SLC26A9: variants seen among roughly 807,000 people sequenced by gnomAD.
The protein encoded by SLC26A9 is solute carrier family 26 member 9, also known as anion transporter/exchanger protein 9.
A neutral mutation model predicts 87.1 loss-of-function variants in SLC26A9; 46 were observed. The observed-to-expected ratio is 0.53, with a 90% CI of 0.42 to 0.67. The LOEUF is 0.67. Ranked by LOEUF, SLC26A9 falls within the 30% of genes least tolerant of loss-of-function variation. SLC26A9 has a pLI of 0.00. For synonymous variants in SLC26A9, 437 were observed against 409.1 expected, an observed-to-expected ratio of 1.07 and a Z score of -0.82; for missense variants, 927 against 1,018.3, an observed-to-expected ratio of 0.91 and a Z score of 1.22.
chr1:205,919,230 C>A (rs925783304), intron 18 of SLC26A9, among the ~76,000 whole-genome samples: 3 of 152,178 alleles, frequency 2.0e-5, no homozygotes, highest in Non-Finnish European at 2.9e-5. Context: ...GGAGTCAGTA[C>A]TTTGTGGTGA....
Position 205,914,736 on chromosome 1 carries a change from G to T in SLC26A9, c.*621C>A. The T allele has an allele frequency of 1.1e-6, 1 of 931,660 alleles. No homozygotes were observed. Among genetic ancestry groups the T allele is most frequent in the Non-Finnish European group, 1.6e-6 (1 of 628,546 alleles). 57.7% of individuals were successfully genotyped at this position (931,660 alleles called of 1,614,324 possible). A position where few individuals can be genotyped will look rare whatever the true frequency, so the allele number is the denominator to read the frequency against. On this transcript the variant is annotated 3_prime_UTR_variant, in exon 21 of 21. Coordinates refer to ENST00000367135, the MANE Select transcript of SLC26A9 (RefSeq NM_052934.4). ...GATGTGCTTGCTGACAGCAGTGGTG[G>T]TTTGGGCAGCCTTGGGGATGATGGA...
In SLC26A9 at chr1:205,928,924, G is replaced by A. The variant is rs1216644245; in HGVS notation, c.871-15C>T. On this transcript the variant is annotated splice_polypyrimidine_tract_variant and intron_variant, in intron 7 of 20. Coordinates refer to ENST00000367135, the MANE Select transcript of SLC26A9 (RefSeq NM_052934.4). ...GCCACCACCACCTGCAAACCCCAGA[G>A]TGGAGAATGGGGATTGGCCCTAAGG... 2 of 1,613,866 alleles carry A rather than the reference G, an allele frequency of 1.2e-6. No individual in the cohort carries two copies. Among genetic ancestry groups the A allele is most frequent in the Non-Finnish European group, 1.7e-6 (2 of 1,179,762 alleles).
intron 2 of SLC26A9, 130 bp from the exon 3 acceptor site, chr1:205,933,214 G>T (rs979458029): frequency 7.4e-7 from 1 of 1,352,824 alleles, no homozygotes; most frequent in Non-Finnish European, 1.0e-6. Context: ...GTGTGCCAGG[G>T]ATATTGAGAA....
At chr1:205,935,640 G>A in intron 2 of SLC26A9, 56 bp downstream of exon 2, 1 of 1,608,526 alleles carries the variant, frequency 6.2e-7, no homozygotes, top group Non-Finnish European at 8.5e-7. Context: ...TCCTGGTGCA[G>A]AAAGGATTTT....
At chr1:205,919,558 C>G (rs1162714115) in intron 18 of SLC26A9, among the ~76,000 whole-genome samples, 1 of 152,162 alleles carries the variant, frequency 6.6e-6, no homozygotes, top group African/African-American at 2.4e-5. Flanking sequence ...GTGCAGGGAG[C>G]TGGGTGTGTG....
At chr1:205,926,449 C>A in intron 12 of SLC26A9, 86 bp downstream of exon 12, 1 of 1,120,892 alleles carries the variant, frequency 8.9e-7, no homozygotes, top group Non-Finnish European at 1.4e-6. Context: ...CTAGAGGGTT[C>A]ATTGTTAGGA....
At chr1:205,922,940 C>A in intron 16 of SLC26A9, 142 bp downstream of exon 16, 2 of 719,748 alleles carry the variant, frequency 2.8e-6, no homozygotes, top group Non-Finnish European at 4.8e-6. Flanking sequence ...TGCCCAGCGG[C>A]CACCAGGCAG....
chr1:205,920,180 G>T lies in SLC26A9; in HGVS notation c.2106C>A (p.Ile702=). Reference sequence around the variant, plus strand: ...TAAATGTCCTCTTTCTCTTACCATGGATGTTCACCAAGAAGACCTTCACGC... The same window carrying T: ...TAAATGTCCTCTTTCTCTTACCATGTATGTTCACCAAGAAGACCTTCACGC... The part of the protein sequence containing the change: ...KIGVKVFLVN[I]HAQVYNDISH... The change falls in exon 18 of 21, where the codon ATC becomes ATA. Residue 702 remains isoleucine, a synonymous_variant. Transcript: ENST00000367135. 6.2e-7 allele frequency: 1 copy of T among 1,613,924 alleles called. No homozygotes were observed. Among genetic ancestry groups the T allele is most frequent in the East Asian group, 2.2e-5 (1 of 44,876 alleles).
intron 1 of SLC26A9, among the ~76,000 whole-genome samples, chr1:205,936,643 C>G (rs998977510): frequency 2.6e-5 from 4 of 152,106 alleles, no homozygotes; most frequent in African/African-American, 9.7e-5. Context: ...TCCCACCACC[C>G]CTCTACCTCC....
intron 12 of SLC26A9, chr1:205,924,725 C>G (rs1252226335): frequency 2.1e-6 from 1 of 483,722 alleles, no homozygotes; most frequent in African/African-American, 2.0e-5. Flanking sequence ...TTAGTAGAAG[C>G]CCCAGCACAC....
intron 2 of SLC26A9, among the ~76,000 whole-genome samples, chr1:205,934,949 T>G (rs1659448769): frequency 6.6e-6 from 1 of 152,152 alleles, no homozygotes; most frequent in South Asian, 2.1e-4. Flanking sequence ...GTGACCTCAA[T>G]CCAGGTAACT....
At chr1:205,929,068 CG>C in intron 7 of SLC26A9, 135 bp downstream of exon 7, 1 of 1,463,694 alleles carries the variant, frequency 6.8e-7, no homozygotes, top group Non-Finnish European at 9.3e-7. Flanking sequence ...ACGCCACATA[CG>C]GGGGATGGGA....
intron 1 of SLC26A9, among the ~76,000 whole-genome samples, chr1:205,939,608 G>C (rs543613186): frequency 6.6e-6 from 1 of 152,252 alleles, no homozygotes; most frequent in East Asian, 1.9e-4. Flanking sequence ...CTTCAGGTGA[G>C]GGCAAGAGGT....
chr1:205,917,441 C>G (rs771420591), intron 19 of SLC26A9, 87 bp from the exon 20 acceptor site: 3 of 1,362,142 alleles, frequency 2.2e-6, no homozygotes, highest in Non-Finnish European at 3.1e-6. Flanking sequence ...GACAGGTGGC[C>G]GGCTCTGGTT....
At chr1:205,924,764 T>G (rs889551042) in intron 12 of SLC26A9, 1 of 382,414 alleles carries the variant, frequency 2.6e-6, no homozygotes, top group Non-Finnish European at 4.8e-6. Flanking sequence ...AGAGCATGCA[T>G]CTTGGGTCAG....
intron 1 of SLC26A9, among the ~76,000 whole-genome samples, chr1:205,936,729 T>C (rs1340893040): frequency 6.7e-6 from 1 of 149,544 alleles, no homozygotes; most frequent in Middle Eastern, 3.2e-3. Flanking sequence ...AGGCTTAGAG[T>C]GAGGATTTGT....
intron 1 of SLC26A9, among the ~76,000 whole-genome samples, chr1:205,939,233 G>T (rs1659640320): frequency 6.6e-6 from 1 of 152,182 alleles, no homozygotes. Context: ...TAAAGAAACT[G>T]CACTTGATTT....
intron 20 of SLC26A9, among the ~76,000 whole-genome samples, chr1:205,915,880 C>A (rs1166677065): frequency 6.6e-6 from 1 of 152,140 alleles, no homozygotes; most frequent in East Asian, 1.9e-4. Context: ...GTCCCACCTG[C>A]CATCAGCACT....
intron 1 of SLC26A9, among the ~76,000 whole-genome samples, chr1:205,936,917 G>C (rs1472068290): frequency 6.6e-6 from 1 of 152,278 alleles, no homozygotes; most frequent in East Asian, 1.9e-4. Flanking sequence ...TTGTGGAAGG[G>C]TCCAGGAGCC....
Sources: gnomAD v4.1 joint callset for allele counts (sites outside exome capture counted in the v4.1 genomes callset) on GRCh38, gnomAD v4.1.1 for gene constraint, MANE v1.5 for transcripts, NCBI Gene and HGNC (gene_info 2026-07-23, HGNC 2026-07-21) for gene names.